CSK: variants seen among roughly 807,000 people sequenced by gnomAD.
CSK encodes the protein tyrosine-protein kinase CSK.
A neutral mutation model predicts 62.3 loss-of-function variants in CSK; 7 were observed. The ratio of observed to expected loss-of-function variants is 0.11; its 90% confidence interval spans 0.06 to 0.21. The LOEUF (loss-of-function observed/expected upper bound fraction) is 0.21. CSK is among the 10% of genes least tolerant of loss of function. The pLI is 1.00. For synonymous variants in CSK, 237 were observed against 246.0 expected (o/e 0.96, Z 0.34); for missense variants, 294 against 613.5 (o/e 0.48, Z 5.50).
rs1441873686 is a variant in CSK, at chr15:74,798,328, G to A, written c.15+16G>A. ...AGCAATACAGGTACCACAGGGGTGA[G>A]GGTCTGGGACATGCAAGCATTCCCA... On this transcript the variant is annotated intron_variant, in intron 2 of 12. Transcript: ENST00000220003. This position sits in a 1 kb window ranked among gnomAD's most constrained non-coding sequence, Gnocchi z 6.6. 1.3e-6 allele frequency: 2 copies of A among 1,589,122 alleles called. No individual in the cohort carries two copies. The highest frequency in any genetic ancestry group is 1.3e-5 in the African/African-American group (1 of 74,594).
Position 74,784,849 on chromosome 15 carries a change from G to C in CSK, c.-66+2129G>C, listed in dbSNP as rs555183166. On this transcript the variant is annotated intron_variant, in intron 1 of 12. Coordinates refer to ENST00000220003, the MANE Select transcript of CSK (RefSeq NM_004383.3). The stretch of plus-strand genomic sequence containing the variant: ...AAAACCTTGACAGGTCATCTTCAAA[G>C]AGCCAGGGATGTTGACTGAGTCTGG... Among the ~76,000 whole-genome samples, 6 of 152,322 alleles carry C rather than the reference G, an allele frequency of 3.9e-5. No individual in the cohort carries two copies. The South Asian group carries it at 1.0e-3, about 26-fold the overall frequency.
At chr15:74,796,615 G>T (rs903913553) in intron 1 of CSK, among the ~76,000 whole-genome samples, 3 of 150,040 alleles carry the variant, frequency 2.0e-5, no homozygotes, top group African/African-American at 7.4e-5. Context: ...AAAAAGAAAA[G>T]AAAAAGAAAA....
At chr15:74,802,231 G>T (rs2063803682) in intron 12 of CSK, 100 bp from the exon 13 acceptor site, 2 of 1,421,352 alleles carry the variant, frequency 1.4e-6, no homozygotes, top group Non-Finnish European at 1.9e-6. Flanking sequence ...TCCGGGCCTG[G>T]GTCTGCGGCA....
intron 1 of CSK, chr15:74,793,032 A>T (rs777397366): frequency 6.6e-6 from 1 of 152,110 alleles, no homozygotes; most frequent in Non-Finnish European, 1.5e-5. Flanking sequence ...TTGTTCATTT[A>T]TTCATTCATT....
intron 1 of CSK, among the ~76,000 whole-genome samples, chr15:74,788,972 G>A (rs1308510887): frequency 6.6e-6 from 1 of 152,188 alleles, no homozygotes; most frequent in East Asian, 1.9e-4. Context: ...GCTCCTGAGC[G>A]GTAATTAGAA....
At chr15:74,800,251 C>G (rs1402778718) in intron 5 of CSK, among the ~76,000 whole-genome samples, 161 bp from the exon 6 acceptor site, 2 of 152,188 alleles carry the variant, frequency 1.3e-5, no homozygotes, top group Non-Finnish European at 2.9e-5. Flanking sequence ...TAATCTGGGA[C>G]TTCCCTAACC....
intron 1 of CSK, among the ~76,000 whole-genome samples, chr15:74,796,662 G>A (rs534215191): frequency 1.5e-4 from 23 of 151,636 alleles, no homozygotes; most frequent in African/African-American, 5.1e-4. Context: ...GTTCAGACCC[G>A]AGTTGTTCAA....
intron 1 of CSK, chr15:74,788,577 G>A (rs1238226355): frequency 6.5e-6 from 1 of 152,798 alleles, no homozygotes. Context: ...GGAGTGTACT[G>A]GTAACACCCC....
intron 4 of CSK, 79 bp from the exon 5 acceptor site, chr15:74,799,193 C>CA (rs1456149678): frequency 6.9e-7 from 1 of 1,444,924 alleles, no homozygotes; most frequent in Non-Finnish European, 9.4e-7. Flanking sequence ...GGGTGCCAAG[C>CA]AGAGGGAACC....
chr15:74,790,755 G>A (rs1169050067), intron 1 of CSK: 1 of 152,162 alleles, frequency 6.6e-6, no homozygotes, highest in African/African-American at 2.4e-5. Context: ...CTCATTTACT[G>A]AGCAGCCGCT....
Position 74,798,454 on chromosome 15 carries a change from G to C in CSK, c.15+142G>C, listed in dbSNP as rs754136746. On this transcript the variant is annotated intron_variant, in intron 2 of 12. Transcript: ENST00000220003. This position sits in a 1 kb window ranked among gnomAD's most constrained non-coding sequence, Gnocchi z 6.6. Reference sequence around the variant, plus strand: ...CAGTCAGGTACAGGCCTGGGGAAGTGGGGGAGTCTCAACAGGAAGGGACCC... The same window carrying C: ...CAGTCAGGTACAGGCCTGGGGAAGTCGGGGAGTCTCAACAGGAAGGGACCC... The C allele has an allele frequency of 9.3e-6, 12 of 1,292,232 alleles. No individual in the cohort carries two copies. Among genetic ancestry groups the C allele is most frequent in the East Asian group, 5.0e-5 (2 of 39,784 alleles). The allele number at this position is 1,292,232 out of a possible 1,614,324, so 80.0% of individuals were successfully genotyped here.
At position 74,802,081 on chromosome 15, in the gene CSK, A is replaced by T; in HGVS notation, c.1168A>T (p.Ile390Phe). Residue 390 changes from isoleucine to phenylalanine, a missense_variant and splice_region_variant, in exon 12 of 13, where the codon ATT becomes TTT. Around this residue, in one of 3 missense-constraint regions of CSK, gnomAD observed 66 missense variants for 99.3 expected, o/e 0.66. Coordinates refer to ENST00000220003, the MANE Select transcript of CSK (RefSeq NM_004383.3). Reference protein sequence around the residue: ...YSFGRVPYPRIPLKDVVPRVE... With the variant: ...YSFGRVPYPRFPLKDVVPRVE... Reference sequence around the variant, plus strand: ...CTTTGGGCGAGTGCCTTATCCAAGAATTGTGAGTATGGGTACTGGGATCAG... The same window carrying T: ...CTTTGGGCGAGTGCCTTATCCAAGATTTGTGAGTATGGGTACTGGGATCAG... The T allele has an allele frequency of 6.2e-7, 1 of 1,613,744 alleles. No homozygotes were observed. Among genetic ancestry groups the T allele is most frequent in the Non-Finnish European group, 8.5e-7 (1 of 1,179,896 alleles).
intron 1 of CSK, among the ~76,000 whole-genome samples, chr15:74,790,471 CA>C (rs2063602628): frequency 6.6e-6 from 1 of 152,244 alleles, no homozygotes; most frequent in Non-Finnish European, 1.5e-5. Flanking sequence ...CCTGAGGCTG[CA>C]GCCACTGACC....
At chr15:74,787,276 G>A (rs545886574) in intron 1 of CSK, among the ~76,000 whole-genome samples, 1 of 152,332 alleles carries the variant, frequency 6.6e-6, no homozygotes, top group East Asian at 1.9e-4. Flanking sequence ...CATGGCTGAG[G>A]GGAGAAGTGA....
intron 4 of CSK, 102 bp from the exon 5 acceptor site, chr15:74,799,170 G>A (rs748994239): frequency 1.9e-5 from 24 of 1,265,140 alleles, no homozygotes; most frequent in Non-Finnish European, 2.5e-5. Context: ...CTGACTGAGC[G>A]AGTGCGAGCC....
At chr15:74,797,035 A>G (rs987290808) in intron 1 of CSK, among the ~76,000 whole-genome samples, 4 of 152,004 alleles carry the variant, frequency 2.6e-5, no homozygotes, top group African/African-American at 9.7e-5. Flanking sequence ...TGACCTCCCC[A>G]GGCTCAAGCG....
chr15:74,801,180 C>G, intron 9 of CSK, 78 bp downstream of exon 9: 2 of 1,514,364 alleles, frequency 1.3e-6, no homozygotes, highest in Non-Finnish European at 1.8e-6. Context: ...GCCCCTGCTC[C>G]CTCAGTCCCC....
chr15:74,785,207 T>A (rs2063497182), intron 1 of CSK, among the ~76,000 whole-genome samples: 1 of 152,246 alleles, frequency 6.6e-6, no homozygotes, highest in Non-Finnish European at 1.5e-5. Context: ...CTGGAGTGTG[T>A]GTGCCGTGAC....
In CSK at chr15:74,798,286, G is replaced by C. The variant is rs1193764199; in HGVS notation, c.-12G>C. 1 of 1,563,818 alleles carries C rather than the reference G, an allele frequency of 6.4e-7. No homozygotes were observed. The highest frequency in any genetic ancestry group is 8.7e-7 in the Non-Finnish European group (1 of 1,154,646). Reference sequence around the variant, plus strand: ...TTTACTGTGACTCGGGGACGCCAGAGCTCCTGAGAAGATGTCAGCAATACA... The same window carrying C: ...TTTACTGTGACTCGGGGACGCCAGACCTCCTGAGAAGATGTCAGCAATACA... On this transcript the variant is annotated 5_prime_UTR_variant, in exon 2 of 13. Coordinates refer to ENST00000220003, the MANE Select transcript of CSK (RefSeq NM_004383.3). The surrounding 1 kb of genome is among the most constrained non-coding windows in gnomAD (Gnocchi z 6.6).
Sources: gnomAD v4.1 joint callset for allele counts (sites outside exome capture counted in the v4.1 genomes callset) on GRCh38, gnomAD v4.1.1 for gene constraint, gnomAD v4.1.1 regional missense constraint, Gnocchi (gnomAD v3.1) non-coding constraint, MANE v1.5 for transcripts, NCBI Gene and HGNC (gene_info 2026-07-23, HGNC 2026-07-21) for gene names.